Variants in FCRL3 observed in about 807,000 individuals in gnomAD.
FCRL3 encodes the protein Fc receptor-like protein 3.
FCRL3 carries 89 observed loss-of-function variants against 75.0 expected under a neutral mutation model. The observed-to-expected ratio is 1.19, with a 90% CI of 1.00 to 1.42. The LOEUF (loss-of-function observed/expected upper bound fraction) is 1.42. FCRL3 is among the 40% of genes most tolerant of loss of function. The pLI is 0.00. For synonymous variants in FCRL3, 376 were observed against 348.5 expected (o/e 1.08, Z -0.88); for missense variants, 946 against 880.0 (o/e 1.07, Z -0.95).
chr1:157,698,359 T>C, intron 4 of FCRL3, 25 bp downstream of exon 4: 1 of 1,613,526 alleles, frequency 6.2e-7, no homozygotes, highest in South Asian at 1.1e-5. Flanking sequence ...GGCTTGACTT[T>C]AGACACTCCC....
In FCRL3 at chr1:157,698,594, G is replaced by A. The variant is rs867037468; in HGVS notation, c.88C>T (p.Pro30Ser). ...TCTCCTTTGAAGGCTGTGGACCATG[G>A]AGGATTGAGGAGAAGTACAGCTTTT... ...APKAVLLLNPPWSTAFKGEKV... is the reference protein window; with the variant it reads ...APKAVLLLNPSWSTAFKGEKV... The change falls in exon 4 of 15, where the codon CCA becomes TCA. Residue 30 changes from proline (P) to serine (S), a missense_variant. Physicochemically the swap from Pro to Ser is moderately conservative, Grantham distance 74. Coordinates refer to ENST00000368184, the MANE Select transcript of FCRL3 (RefSeq NM_052939.4). 5.6e-6 allele frequency: 9 copies of A among 1,613,932 alleles called. No homozygotes were observed. Among genetic ancestry groups the A allele is most frequent in the Non-Finnish European group, 7.6e-6 (9 of 1,179,876 alleles).
chr1:157,678,728 T>A lies in FCRL3; in HGVS notation c.2187A>T (p.Leu729Phe). The A allele has an allele frequency of 6.2e-7, 1 of 1,613,742 alleles. No homozygotes were observed. The highest frequency in any genetic ancestry group is 8.5e-7 in the Non-Finnish European group (1 of 1,179,992). ...TAAGGGGCTAGTGGTCTGAGGCCAG[T>A]AATACACGTGGTACATTCTCATAGT... ...EENYENVPRV[L>F]LASDH is the part of the protein sequence containing the mutation. Residue 729 changes from leucine (L) to phenylalanine (F), a missense_variant, in exon 15 of 15, where the codon TTA (leucine) becomes TTT (phenylalanine). Coordinates refer to ENST00000368184, the MANE Select transcript of FCRL3 (RefSeq NM_052939.4).
At chr1:157,690,833 T>C (rs1225171691) in intron 8 of FCRL3, among the ~76,000 whole-genome samples, 1 of 152,210 alleles carries the variant, frequency 6.6e-6, no homozygotes, top group East Asian at 1.9e-4. Context: ...TGGTTATTAT[T>C]ATTGATAAAA....
intron 10 of FCRL3, among the ~76,000 whole-genome samples, chr1:157,685,769 T>C (rs1360307121): frequency 6.6e-6 from 1 of 151,858 alleles, no homozygotes; most frequent in East Asian, 1.9e-4. Context: ...TACAGTGCAA[T>C]AAAAATAGAA....
At position 157,698,397 on chromosome 1, in the gene FCRL3, C is replaced by T. The variant is rs1324497411; in HGVS notation, c.285G>A (p.Val95=). 1 of 1,614,188 alleles carries T rather than the reference C, an allele frequency of 6.2e-7. No individual in the cohort carries two copies. Among genetic ancestry groups the T allele is most frequent in the African/African-American group, 1.3e-5 (1 of 75,064 alleles). ...TCCATTCCTCACCAGGTGAAAATTC[C>T]ACATGCACGGCATCACTGAGGGAGG... The part of the protein sequence containing the change: ...RGSSLSDAVH[V]EFSPDWLILQ... The change falls in exon 4 of 15, where the codon GTG becomes GTA. Residue 95 remains valine (V), a synonymous_variant. Transcript: ENST00000368184.
Position 157,697,686 on chromosome 1 carries a change from A to G in FCRL3, c.532T>C (p.Ser178Pro), listed in dbSNP as rs370872164. The change falls in exon 5 of 15, where the codon TCA (serine) becomes CCA (proline). Residue 178 changes from serine to proline, a missense_variant. Coordinates refer to ENST00000368184, the MANE Select transcript of FCRL3 (RefSeq NM_052939.4). Reference protein sequence around the residue: ...KFYILDIEVTSKPLNIQVQEL... With the variant: ...KFYILDIEVTPKPLNIQVQEL... The stretch of plus-strand genomic sequence containing the variant: ...TGAACTTGGATATTTAGGGGTTTTG[A>G]AGTTACTTCAATGTCAAGTATGTAA... 1.1e-5 allele frequency: 18 copies of G among 1,613,866 alleles called. No individual in the cohort carries two copies. Among genetic ancestry groups the G allele is most frequent in the Non-Finnish European group, 1.4e-5 (17 of 1,179,928 alleles).
At chr1:157,684,295 C>A (rs894696883) in intron 10 of FCRL3, among the ~76,000 whole-genome samples, 2 of 152,272 alleles carry the variant, frequency 1.3e-5, no homozygotes, top group South Asian at 2.1e-4. Context: ...TGGCTCTAAT[C>A]GGTCTCATTG....
chr1:157,697,688 G>A lies in FCRL3; in HGVS notation c.530C>T (p.Thr177Ile). 1 of 1,613,854 alleles carries A rather than the reference G, an allele frequency of 6.2e-7. No homozygotes were observed. The highest frequency in any genetic ancestry group is 8.5e-7 in the Non-Finnish European group (1 of 1,179,932). The change falls in exon 5 of 15, where the codon ACT (threonine) becomes ATT (isoleucine). Residue 177 changes from threonine (T) to isoleucine (I), a missense_variant. By Grantham distance (89) the Thr-to-Ile change is moderately conservative. Coordinates refer to ENST00000368184, the MANE Select transcript of FCRL3 (RefSeq NM_052939.4). ...RKFYILDIEV[T>I]SKPLNIQVQE... ...AACTTGGATATTTAGGGGTTTTGAA[G>A]TTACTTCAATGTCAAGTATGTAAAA...
At position 157,677,248 on chromosome 1, in the gene FCRL3, C is replaced by A. The variant is rs1196635687; in HGVS notation, c.*1462G>T. The A allele has an allele frequency of 2.0e-6, 2 of 1,002,222 alleles. No individual in the cohort carries two copies. Among genetic ancestry groups the A allele is most frequent in the South Asian group, 8.8e-5 (2 of 22,762 alleles). 62.1% of individuals were successfully genotyped at this position (1,002,222 alleles called of 1,614,324 possible). ...AAACTCAGCTTCCATAGTGATGGAA[C>A]CTAAGGGTAGCAGAGTTTATGGTGA... On this transcript the variant is annotated 3_prime_UTR_variant, in exon 15 of 15. Coordinates refer to ENST00000368184, the MANE Select transcript of FCRL3 (RefSeq NM_052939.4).
chr1:157,677,349 G>C lies in FCRL3; in HGVS notation c.*1361C>G, dbSNP rs1654524630. Reference sequence around the variant, plus strand: ...TTCCCTAGGGACTCCAAGAAATATTGATTAGAGGAAGATGTGGTGCTTTGA... The same window carrying C: ...TTCCCTAGGGACTCCAAGAAATATTCATTAGAGGAAGATGTGGTGCTTTGA... On this transcript the variant is annotated 3_prime_UTR_variant, in exon 15 of 15. Transcript: ENST00000368184. The C allele has an allele frequency of 1.0e-6, 1 of 985,972 alleles. No homozygotes were observed. Among genetic ancestry groups the C allele is most frequent in the African/African-American group, 1.7e-5 (1 of 57,216 alleles). The allele number at this position is 985,972 out of a possible 1,614,324, so 61.1% of individuals were successfully genotyped here.
At position 157,686,760 on chromosome 1, in the gene FCRL3, C is replaced by T. The variant is rs528830941; in HGVS notation, c.1810+3038G>A. 3.3e-5 allele frequency among the ~76,000 whole-genome samples: 5 copies of T among 152,194 alleles called. No homozygotes were observed. In the East Asian group the frequency reaches 9.6e-4, roughly 29 times the overall value. ...TATTCAGAAAACTGAAACTAGACCC[C>T]TACTTTTCACCATATACAAAACTTA... On this transcript the variant is annotated intron_variant, in intron 10 of 14. Transcript: ENST00000368184.
In FCRL3 at chr1:157,678,108, A is replaced by G. The variant is rs1211122555; in HGVS notation, c.*602T>C. The G allele has an allele frequency of 3.0e-6, 3 of 985,884 alleles. No homozygotes were observed. The East Asian group carries it at 3.4e-4, about 112-fold the overall frequency. 61.1% of individuals were successfully genotyped at this position (985,884 alleles called of 1,614,324 possible). ...CACATATTAAACTAGCAGAGTCTTT[A>G]ATGAAATGCTGAAGTTATTTTTCAT... On this transcript the variant is annotated 3_prime_UTR_variant, in exon 15 of 15. Coordinates refer to ENST00000368184, the MANE Select transcript of FCRL3 (RefSeq NM_052939.4).
chr1:157,685,729 T>A (rs542387570), intron 10 of FCRL3, among the ~76,000 whole-genome samples: 17 of 152,158 alleles, frequency 1.1e-4, no homozygotes, highest in Admixed American at 2.6e-4. Context: ...TAAATTTTTT[T>A]AAAAAATCAT....
In FCRL3 at chr1:157,678,936, A is replaced by C. The variant is rs6683713; in HGVS notation, c.2058+6T>G. 1.9e-6 allele frequency: 3 copies of C among 1,614,094 alleles called. No homozygotes were observed. The East Asian group carries it at 6.7e-5, about 36-fold the overall frequency. On this transcript the variant is annotated splice_donor_region_variant and intron_variant, in intron 14 of 14. Coordinates refer to ENST00000368184, the MANE Select transcript of FCRL3 (RefSeq NM_052939.4). ...AGAGGAAAGAAAGCCAAGAAATGTG[A>C]CTCACCTCATGCTCTTGATGCATCA...
Position 157,697,901 on chromosome 1 carries a change from G to A in FCRL3, c.317C>T (p.Ala106Val), listed in dbSNP as rs1656056421. 1 of 1,613,770 alleles carries A rather than the reference G, an allele frequency of 6.2e-7. No individual in the cohort carries two copies. Among genetic ancestry groups the A allele is most frequent in the African/African-American group, 1.3e-5 (1 of 74,912 alleles). Residue 106 changes from alanine (A) to valine (V), a missense_variant, in exon 5 of 15, where the codon GCT (alanine) becomes GTT (valine). Transcript: ENST00000368184. The stretch of plus-strand genomic sequence containing the variant: ...GTCTCCTTCAAAGACAGGATGTAAA[G>A]CCTGCAGGATCAGCCAGTCTGCAAA... ...EFSPDWLILQ[A>V]LHPVFEGDNV...
chr1:157,695,752 A>G, intron 7 of FCRL3, 145 bp from the exon 8 acceptor site: 1 of 1,046,442 alleles, frequency 9.6e-7, no homozygotes, highest in Non-Finnish European at 1.4e-6. Flanking sequence ...TCTAACAATC[A>G]GAAGCATTTC....
rs200565232 is a variant in FCRL3 at position 157,689,867 on chromosome 1, C to T, written c.1741G>A (p.Val581Met). 83 of 1,614,034 alleles carry T rather than the reference C, an allele frequency of 5.1e-5. No individual in the cohort carries two copies. Among genetic ancestry groups the T allele is most frequent in the Admixed American group, 1.8e-4 (11 of 60,006 alleles). Residue 581 changes from valine to methionine, a missense_variant, in exon 10 of 15, where the codon GTG (valine) becomes ATG (methionine). Transcript: ENST00000368184. Reference sequence around the variant, plus strand: ...GCAGCAAGGACGAGGATGCTGAGCACCAGCCCCGTGATTCCCGCAGCGGTA... The same window carrying T: ...GCAGCAAGGACGAGGATGCTGAGCATCAGCCCCGTGATTCCCGCAGCGGTA... ...GLTAAGITGLVLSILVLAAAA... is the reference protein window; with the variant it reads ...GLTAAGITGLMLSILVLAAAA...
intron 11 of FCRL3, among the ~76,000 whole-genome samples, chr1:157,681,728 G>C (rs12073993): frequency 0.28 from 42,537 of 151,656 alleles, 6,558 homozygotes; most frequent in African/African-American, 0.41. Flanking sequence ...TTTATAGCAG[G>C]ATGATTTATA....
In FCRL3 at chr1:157,676,669, G is replaced by T; in HGVS notation, c.*2041C>A. On this transcript the variant is annotated 3_prime_UTR_variant, in exon 15 of 15. Coordinates refer to ENST00000368184, the MANE Select transcript of FCRL3 (RefSeq NM_052939.4). ...TGTTATATCCGAGATGTACAGTTAG[G>T]ACTCACCCCTTCTTCCACTCACATA... 1 of 1,509,698 alleles carries T rather than the reference G, an allele frequency of 6.6e-7. No individual in the cohort carries two copies. Among genetic ancestry groups the T allele is most frequent in the South Asian group, 1.2e-5 (1 of 83,104 alleles). The allele number at this position is 1,509,698 out of a possible 1,614,324, so 93.5% of individuals were successfully genotyped here.
Sources: gnomAD v4.1 joint callset for allele counts (sites outside exome capture counted in the v4.1 genomes callset) on GRCh38, gnomAD v4.1.1 for gene constraint, MANE v1.5 for transcripts, NCBI Gene and HGNC (gene_info 2026-07-23, HGNC 2026-07-21) for gene names.